Variants in MOB3B observed in about 807,000 individuals in gnomAD.
MOB3B encodes the protein MOB kinase activator 3B, also known as MOB kinase activator-like 2B.
Under a neutral mutation model 18.7 loss-of-function variants are expected in MOB3B, and 7 were observed. The observed-to-expected ratio is 0.37, with a 90% CI of 0.21 to 0.70. MOB3B has a LOEUF of 0.70. MOB3B is among the 30% of genes least tolerant of loss of function. The pLI is 0.52. For synonymous variants in MOB3B, 111 were observed against 99.9 expected (o/e 1.11, Z -0.66); for missense variants, 253 against 281.3 (o/e 0.90, Z 0.72).
chr9:27,369,018 C>T lies in MOB3B; in HGVS notation c.419-9782G>A, dbSNP rs1821378191. Among the ~76,000 whole-genome samples the T allele has an allele frequency of 3.3e-5, 5 of 152,136 alleles. No homozygotes were observed. In the South Asian group the frequency reaches 1.0e-3, roughly 32 times the overall value. ...GTGAAAGATATTCACTGTGGATTGA[C>T]AATAAAAGCCATTAGAAACAAACCC... is the stretch of plus-strand genomic sequence containing the variant. On this transcript the variant is annotated intron_variant, in intron 2 of 3. Transcript: ENST00000262244.
intron 3 of MOB3B, among the ~76,000 whole-genome samples, chr9:27,345,960 A>C (rs1451176841): frequency 6.6e-6 from 1 of 152,168 alleles, no homozygotes; most frequent in Non-Finnish European, 1.5e-5. Flanking sequence ...TCCTCAGCAA[A>C]TACCATGCTA....
intron 2 of MOB3B, among the ~76,000 whole-genome samples, chr9:27,403,450 A>C (rs921470856): frequency 6.6e-6 from 1 of 151,898 alleles, no homozygotes; most frequent in South Asian, 2.1e-4. Flanking sequence ...TAAGATCCCA[A>C]AGAGAAACAC....
At chr9:27,499,909 G>GA (rs1819963242) in intron 1 of MOB3B, among the ~76,000 whole-genome samples, 1 of 152,084 alleles carries the variant, frequency 6.6e-6, no homozygotes, top group South Asian at 2.1e-4. Flanking sequence ...GTGTTATGTT[G>GA]AAATGAAATC....
intron 3 of MOB3B, among the ~76,000 whole-genome samples, chr9:27,353,661 C>T (rs974672959): frequency 2.6e-5 from 4 of 152,042 alleles, no homozygotes; most frequent in Admixed American, 2.6e-4. Context: ...TAAACAAGTC[C>T]CCTCCTGTCT....
rs763006291 is a variant in MOB3B at position 27,367,368 on chromosome 9, G to A, written c.419-8132C>T. ...ATACGATTGACACAGCTGGGGAAAC[G>A]AAACTTGTTAGAAGACAAGGTGGAA... On this transcript the variant is annotated intron_variant, in intron 2 of 3. Transcript: ENST00000262244. Among the ~76,000 whole-genome samples, 35 of 152,200 alleles carry A rather than the reference G, an allele frequency of 2.3e-4. 1 individual carries two copies. The highest frequency in any genetic ancestry group is 9.8e-4 in the Admixed American group (15 of 15,284).
intron 2 of MOB3B, among the ~76,000 whole-genome samples, chr9:27,427,849 C>T (rs1822360061): frequency 6.6e-6 from 1 of 152,114 alleles, no homozygotes; most frequent in South Asian, 2.1e-4. Context: ...GAGGCCTTTG[C>T]TTCCCTCCCT....
intron 2 of MOB3B, among the ~76,000 whole-genome samples, chr9:27,383,129 C>T (rs959953006): frequency 2.6e-5 from 4 of 151,992 alleles, no homozygotes; most frequent in Non-Finnish European, 2.9e-5. Flanking sequence ...ATCTAGGACT[C>T]CCAGCCTACC....
rs911023266 is a variant in MOB3B at position 27,390,755 on chromosome 9, T to C, written c.419-31519A>G. On this transcript the variant is annotated intron_variant, in intron 2 of 3. Transcript: ENST00000262244. ...CTGAATGTTTGAGTCCCCCCAAAAT[T>C]TGTATGTTGAAATCCTAACCCCCAA... Among the ~76,000 whole-genome samples the C allele has an allele frequency of 2.0e-5, 3 of 152,056 alleles. No homozygotes were observed. The South Asian group carries it at 6.2e-4, about 32-fold the overall frequency.
chr9:27,418,091 C>CAAAAAAAAA lies in MOB3B; in HGVS notation c.418+37033_418+37041dup, dbSNP rs57850999. On this transcript the variant is annotated intron_variant, in intron 2 of 3. Coordinates refer to ENST00000262244, the MANE Select transcript of MOB3B (RefSeq NM_024761.5). The stretch of plus-strand genomic sequence containing the variant: ...TGGGAGACAGGGTGAGACTCCACCT[C>CAAAAAAAAA]AAAAAAAAAAAAAAAAAAAAAGTAA... Among the ~76,000 whole-genome samples, 299 of 44,004 alleles carry CAAAAAAAAA rather than the reference C, an allele frequency of 6.8e-3. 13 individuals are homozygous for CAAAAAAAAA. Among genetic ancestry groups the CAAAAAAAAA allele is most frequent in the African/African-American group, 0.013 (184 of 14,564 alleles). 28.9% of individuals were successfully genotyped at this position (44,004 alleles called of 152,430 possible).
At chr9:27,361,686 G>A (rs1821276123) in intron 2 of MOB3B, among the ~76,000 whole-genome samples, 1 of 152,216 alleles carries the variant, frequency 6.6e-6, no homozygotes, top group Admixed American at 6.5e-5. Context: ...CCATCTCACA[G>A]ATAAAGAAAT....
intron 1 of MOB3B, among the ~76,000 whole-genome samples, chr9:27,475,078 T>A (rs1345588635): frequency 6.6e-6 from 1 of 152,134 alleles, no homozygotes; most frequent in Non-Finnish European, 1.5e-5. Flanking sequence ...CACACACTCT[T>A]GCTCTCGCTT....
In MOB3B at chr9:27,330,678, A is replaced by T. The variant is rs542438300; in HGVS notation, c.622-62T>A. 14 of 1,608,564 alleles carry T rather than the reference A, an allele frequency of 8.7e-6. No individual in the cohort carries two copies. The South Asian group carries it at 1.0e-4, about 11-fold the overall frequency. ...TATAAGCAGAGCAACGATTTGGTGA[A>T]GGATCCTGAAAATGCTCTTGGAATC... is the stretch of plus-strand genomic sequence containing the variant. On this transcript the variant is annotated intron_variant, in intron 3 of 3. Transcript: ENST00000262244.
At chr9:27,359,389 G>GC (rs1821241820) in intron 2 of MOB3B, among the ~76,000 whole-genome samples, 153 bp from the exon 3 acceptor site, 1 of 150,308 alleles carries the variant, frequency 6.7e-6, no homozygotes, top group Non-Finnish European at 1.5e-5. Flanking sequence ...GGGGGGGGGG[G>GC]GTTGGTAGCA....
intron 2 of MOB3B, among the ~76,000 whole-genome samples, chr9:27,433,037 C>T (rs1054424801): frequency 1.1e-4 from 16 of 151,862 alleles, no homozygotes; most frequent in African/African-American, 3.9e-4. Context: ...AAATCAACAT[C>T]TTTATTTCAG....
intron 2 of MOB3B, among the ~76,000 whole-genome samples, chr9:27,374,028 C>T (rs993665176): frequency 1.3e-5 from 2 of 152,198 alleles, no homozygotes; most frequent in Non-Finnish European, 2.9e-5. Context: ...AAGGCAAATG[C>T]CCAGCTGTAA....
At chr9:27,416,083 G>T (rs1220628649) in intron 2 of MOB3B, among the ~76,000 whole-genome samples, 1 of 152,112 alleles carries the variant, frequency 6.6e-6, no homozygotes, top group Non-Finnish European at 1.5e-5. Flanking sequence ...AATGTATTTG[G>T]GGTTAATACA....
chr9:27,488,432 G>T (rs1819763021), intron 1 of MOB3B, among the ~76,000 whole-genome samples: 1 of 152,094 alleles, frequency 6.6e-6, no homozygotes, highest in African/African-American at 2.4e-5. Flanking sequence ...TTTTGAGATG[G>T]TGTCTCGCTC....
chr9:27,403,620 C>T (rs1184635658), intron 2 of MOB3B, among the ~76,000 whole-genome samples: 1 of 149,554 alleles, frequency 6.7e-6, no homozygotes, highest in Non-Finnish European at 1.5e-5. Flanking sequence ...GCAACCTCCA[C>T]CTCCCAGGTT....
At chr9:27,391,556 T>C (rs1251288541) in intron 2 of MOB3B, among the ~76,000 whole-genome samples, 2 of 152,376 alleles carry the variant, frequency 1.3e-5, no homozygotes, top group East Asian at 3.9e-4. Flanking sequence ...ATTATTAAAC[T>C]ATTTTAATGA....
Sources: gnomAD v4.1 joint callset for allele counts (sites outside exome capture counted in the v4.1 genomes callset) on GRCh38, gnomAD v4.1.1 for gene constraint, MANE v1.5 for transcripts, NCBI Gene and HGNC (gene_info 2026-07-23, HGNC 2026-07-21) for gene names.